The following ANKRD28 variants were observed in gnomAD, a reference collection of about 807,000 sequenced individuals.
ANKRD28 encodes ankyrin repeat domain 28, also known as serine/threonine-protein phosphatase 6 regulatory ankyrin repeat subunit A.
Under a neutral mutation model 126.5 loss-of-function variants are expected in ANKRD28, and 44 were observed. The ratio of observed to expected loss-of-function variants is 0.35; its 90% CI spans 0.27 to 0.45. ANKRD28 has a LOEUF of 0.45. Among genes scored for constraint, ANKRD28 ranks in the 20% least tolerant of loss-of-function variants. The pLI, the probability that ANKRD28 is intolerant of heterozygous loss-of-function variation, is 1.00. For missense variants in ANKRD28, 1,110 were observed against 1,316.6 expected, an observed-to-expected ratio of 0.84 and a Z score of 2.43; for synonymous variants, 442 against 468.5, an observed-to-expected ratio of 0.94 and a Z score of 0.73.
rs2061161227 is a variant in ANKRD28 at position 15,830,292 on chromosome 3, G to C, written c.27+29085C>G. ...CAGGGGTTCATGGACCACACTATGA[G>C]AAGTCTCTTAGACCAGGGTCCCTAA... On this transcript the variant is annotated intron_variant, in intron 1 of 27. Coordinates refer to the ANKRD28 transcript ENST00000399451. This position sits in a 1 kb window ranked among gnomAD's most constrained non-coding sequence, Gnocchi z 4.5. Among the ~76,000 whole-genome samples, 1 of 152,182 alleles carries C rather than the reference G, an allele frequency of 6.6e-6. No homozygotes were observed. Among genetic ancestry groups the C allele is most frequent in the Non-Finnish European group, 1.5e-5 (1 of 68,028 alleles).
intron 6 of ANKRD28, among the ~76,000 whole-genome samples, chr3:15,734,807 T>C (rs2074908012): frequency 6.6e-6 from 1 of 152,224 alleles, no homozygotes; most frequent in Admixed American, 6.5e-5. Flanking sequence ...AACCAATTAA[T>C]GTTTCTGTTA....
chr3:15,719,481 A>G (rs2073456506), intron 8 of ANKRD28, among the ~76,000 whole-genome samples: 1 of 152,216 alleles, frequency 6.6e-6, no homozygotes, highest in Non-Finnish European at 1.5e-5. Context: ...TAATAAAATG[A>G]TTATATATTA....
rs1403430888 is a variant in ANKRD28, at chr3:15,678,372, T to C, written c.2562-18A>G. On this transcript the variant is annotated intron_variant, in intron 23 of 27. Coordinates refer to ENST00000683139, the MANE Select transcript of ANKRD28 (RefSeq NM_001349278.2). ...GAGGAGTTCTGTGATAAAGAAAAAT[T>C]GAAATATATGACTAAATTTGAATGT... The C allele has an allele frequency of 1.3e-5, 21 of 1,579,104 alleles. No individual in the cohort carries two copies. The highest frequency in any genetic ancestry group is 1.7e-5 in the Non-Finnish European group (20 of 1,168,374).
intron 1 of ANKRD28, among the ~76,000 whole-genome samples, chr3:15,819,221 T>C (rs1056616599): frequency 6.6e-6 from 1 of 152,276 alleles, no homozygotes; most frequent in East Asian, 1.9e-4. Flanking sequence ...AAAGCTGTAG[T>C]GAGCTGAGAG....
chr3:15,859,239 G>A (rs1259349776), intron 1 of ANKRD28: 13 of 1,294,166 alleles, frequency 1.0e-5, no homozygotes, highest in East Asian at 3.2e-5. Flanking sequence ...GCCGTCTCGC[G>A]CAGGTCCCCG....
intron 10 of ANKRD28, 76 bp from the exon 11 acceptor site, chr3:15,712,298 G>T: frequency 8.5e-7 from 1 of 1,182,496 alleles, no homozygotes; most frequent in South Asian, 1.4e-5. Flanking sequence ...ATTACAAAGA[G>T]ACCACTTAAG....
At chr3:15,851,537 CTG>C (rs1491425575) in intron 1 of ANKRD28, among the ~76,000 whole-genome samples, 1 of 148,784 alleles carries the variant, frequency 6.7e-6, no homozygotes, top group Non-Finnish European at 1.5e-5. Context: ...AAGTGAGACT[CTG>C]TGTCAAAATA....
chr3:15,769,384 C>T (rs540484429), intron 2 of ANKRD28, among the ~76,000 whole-genome samples: 1 of 152,086 alleles, frequency 6.6e-6, no homozygotes, highest in South Asian at 2.1e-4. Context: ...TTTCTTTCAC[C>T]AAAATGTATT....
At chr3:15,803,963 T>G (rs2060522089) in intron 1 of ANKRD28, among the ~76,000 whole-genome samples, 1 of 145,128 alleles carries the variant, frequency 6.9e-6, no homozygotes, top group Non-Finnish European at 1.5e-5. Flanking sequence ...AAAAAATTCA[T>G]AAAGAATGGT....
At chr3:15,766,120 G>T in intron 3 of ANKRD28, 114 bp downstream of exon 3, 1 of 753,126 alleles carries the variant, frequency 1.3e-6, no homozygotes, top group Non-Finnish European at 2.1e-6. Flanking sequence ...AGTTTCAGCT[G>T]ATAAAACAAA....
intron 2 of ANKRD28, among the ~76,000 whole-genome samples, chr3:15,790,393 C>A (rs769777311): frequency 1.3e-5 from 2 of 151,950 alleles, no homozygotes; most frequent in African/African-American, 4.8e-5. Flanking sequence ...AAATCCTCAA[C>A]AAAATACTAG....
At chr3:15,824,477 A>ATTT (rs2061016327) in intron 1 of ANKRD28, among the ~76,000 whole-genome samples, 1 of 152,224 alleles carries the variant, frequency 6.6e-6, no homozygotes, top group Non-Finnish European at 1.5e-5. Flanking sequence ...AAAACAAACT[A>ATTT]TCAGAGCTAA....
chr3:15,758,589 A>T (rs1255352452), intron 3 of ANKRD28, among the ~76,000 whole-genome samples: 3 of 152,176 alleles, frequency 2.0e-5, no homozygotes, highest in Admixed American at 2.0e-4. Flanking sequence ...ACATGGACAG[A>T]GGGAAAATAA....
intron 1 of ANKRD28, chr3:15,859,228 C>T: frequency 8.1e-7 from 1 of 1,233,728 alleles, no homozygotes; most frequent in Non-Finnish European, 1.1e-6. Flanking sequence ...GACCCCGGCC[C>T]GCCGTCTCGC....
At chr3:15,783,729 C>G (rs1245059927) in intron 2 of ANKRD28, among the ~76,000 whole-genome samples, 1 of 151,862 alleles carries the variant, frequency 6.6e-6, no homozygotes, top group Non-Finnish European at 1.5e-5. Flanking sequence ...AGATGAATCT[C>G]AAAATAATTA....
At chr3:15,700,889 CCT>C (rs897025116) in intron 14 of ANKRD28, among the ~76,000 whole-genome samples, 2 of 152,012 alleles carry the variant, frequency 1.3e-5, no homozygotes, top group Non-Finnish European at 2.9e-5. Context: ...AGTGAAATAG[CCT>C]CTGTTTATTC....
Position 15,668,352 on chromosome 3 carries a change from TTGA to T in ANKRD28, c.*1915_*1917del, listed in dbSNP as rs2066086266. The T allele has an allele frequency of 6.6e-6, 1 of 151,224 alleles. No individual in the cohort carries two copies. The highest frequency in any genetic ancestry group is 2.5e-5 in the African/African-American group (1 of 40,494). The allele number at this position is 151,224 out of a possible 1,614,324, so 9.4% of individuals were successfully genotyped here. ...ACATATGTATACTTTTAGAATCTGC[TTGA>T]TTTTTTTTTTTTTCAAAAGGTACAA... On this transcript the variant is annotated 3_prime_UTR_variant, in exon 28 of 28. Coordinates refer to ENST00000683139, the MANE Select transcript of ANKRD28 (RefSeq NM_001349278.2).
chr3:15,798,071 G>C, upstream of ANKRD28: 2 of 985,378 alleles, frequency 2.0e-6, no homozygotes, highest in Non-Finnish European at 2.4e-6. Flanking sequence ...TGCCAGTTCT[G>C]TGACTAATCC....
intron 8 of ANKRD28, among the ~76,000 whole-genome samples, chr3:15,718,159 A>G (rs1478027541): frequency 6.6e-6 from 1 of 152,212 alleles, no homozygotes; most frequent in East Asian, 1.9e-4. Flanking sequence ...AGCTATCAAC[A>G]TATTGTGTGT....
Sources: allele counts gnomAD v4.1 joint callset (sites outside exome capture counted in the v4.1 genomes callset), GRCh38; gene constraint gnomAD v4.1.1; non-coding constraint Gnocchi (gnomAD v3.1); transcripts MANE v1.5; gene names NCBI Gene and HGNC (gene_info 2026-07-23, HGNC 2026-07-21).